The following NFYA variants were observed in gnomAD, a reference collection of about 807,000 sequenced individuals.
NFYA encodes nuclear transcription factor Y subunit alpha.
Under a neutral mutation model 52.8 loss-of-function variants are expected in NFYA, and 28 were observed. That is an observed-to-expected ratio of 0.53 (90% CI 0.39 to 0.73). The LOEUF (loss-of-function observed/expected upper bound fraction) is 0.73. Among genes scored for constraint, NFYA ranks in the 30% least tolerant of loss-of-function variants. NFYA has a pLI of 0.00. For missense variants in NFYA, 234 were observed against 427.0 expected, an observed-to-expected ratio of 0.55 and a Z score of 3.98; for synonymous variants, 150 against 150.7, an observed-to-expected ratio of 1.00 and a Z score of 0.03.
intron 9 of NFYA, 37 bp downstream of exon 9, chr6:41,094,534 A>C: frequency 1.3e-6 from 2 of 1,537,308 alleles, no homozygotes; most frequent in Non-Finnish European, 1.8e-6. Context: ...TCTCTTTATT[A>C]CCTTGTATTG....
At chr6:41,082,201 A>G (rs770204149) in intron 3 of NFYA, among the ~76,000 whole-genome samples, 9 of 152,290 alleles carry the variant, frequency 5.9e-5, no homozygotes, top group South Asian at 2.1e-4. Context: ...CCCTGCCACC[A>G]ATAGTGTTTG....
At position 41,079,071 on chromosome 6, in the gene NFYA, AAT is replaced by A. The variant is rs1175602347; in HGVS notation, c.-18_-17del. On this transcript the variant is annotated 5_prime_UTR_variant, in exon 2 of 10. Transcript: ENST00000341376. ...TTCTAGGATCTCCAGAGTGGACAGG[AAT>A]CTCACTTGGAGGGACCATGGAGCAG... 1 of 1,612,242 alleles carries A rather than the reference AAT, an allele frequency of 6.2e-7. No homozygotes were observed. Among genetic ancestry groups the A allele is most frequent in the East Asian group, 2.2e-5 (1 of 44,878 alleles).
rs12203161 is a variant in NFYA, at chr6:41,100,972, A to C, written c.*3562A>C. ...GCCTCCAATAGAGCCTGCTAGGCGGATTGGCTGCTACGCGGCTGGGCCCTG... is the reference window on the plus strand; with the variant it reads ...GCCTCCAATAGAGCCTGCTAGGCGGCTTGGCTGCTACGCGGCTGGGCCCTG... On this transcript the variant is annotated 3_prime_UTR_variant, in exon 10 of 10. Coordinates refer to ENST00000341376, the MANE Select transcript of NFYA (RefSeq NM_002505.5). 67 of 151,170 alleles carry C rather than the reference A, an allele frequency of 4.4e-4. No individual in the cohort carries two copies. Among genetic ancestry groups the C allele is most frequent in the African/African-American group, 1.6e-3 (65 of 41,486 alleles). The allele number at this position is 151,170 out of a possible 1,614,324, so 9.4% of individuals were successfully genotyped here.
At chr6:41,075,254 G>A (rs2268187) in intron 1 of NFYA, 59,850 of 151,998 alleles carry the variant, frequency 0.39, 12,426 homozygotes, top group African/African-American at 0.52. Context: ...TGGCGCAATC[G>A]TAGCTCACTA....
At position 41,099,030 on chromosome 6, in the gene NFYA, G is replaced by A. The variant is rs886423548; in HGVS notation, c.*1620G>A. 1 of 152,142 alleles carries A rather than the reference G, an allele frequency of 6.6e-6. No homozygotes were observed. The highest frequency in any genetic ancestry group is 2.4e-5 in the African/African-American group (1 of 41,428). The allele number at this position is 152,142 out of a possible 1,614,324, so 9.4% of individuals were successfully genotyped here. On this transcript the variant is annotated 3_prime_UTR_variant, in exon 10 of 10. Transcript: ENST00000341376. ...TTAACTGTATTAAGACAGAAATTAA[G>A]CCCTCTAAAAACACCACAAAGAGAG...
intron 4 of NFYA, 128 bp from the exon 5 acceptor site, chr6:41,089,451 C>A: frequency 1.0e-6 from 1 of 981,842 alleles, no homozygotes; most frequent in Admixed American, 3.5e-5. Flanking sequence ...TAATGGAGGG[C>A]AGAGCAGGAC....
intron 4 of NFYA, among the ~76,000 whole-genome samples, chr6:41,088,828 G>A (rs1053985161): frequency 6.6e-5 from 10 of 150,954 alleles, no homozygotes; most frequent in African/African-American, 2.0e-4. Context: ...TAATCTGCTC[G>A]CCTCAGCCTC....
In NFYA at chr6:41,098,604, C is replaced by G. The variant is rs1764422185; in HGVS notation, c.*1194C>G. ...TCCTGGACAGAGTCCAAGTTACCCA[C>G]TAAAGCTTGAGGTGGATGTTGGCTT... On this transcript the variant is annotated 3_prime_UTR_variant, in exon 10 of 10. Coordinates refer to ENST00000341376, the MANE Select transcript of NFYA (RefSeq NM_002505.5). 1 of 152,688 alleles carries G rather than the reference C, an allele frequency of 6.5e-6. No homozygotes were observed. Among genetic ancestry groups the G allele is most frequent in the Admixed American group, 6.5e-5 (1 of 15,278 alleles). The allele number at this position is 152,688 out of a possible 1,614,324, so 9.5% of individuals were successfully genotyped here.
At chr6:41,088,552 A>T (rs986450921) in intron 4 of NFYA, among the ~76,000 whole-genome samples, 1 of 151,932 alleles carries the variant, frequency 6.6e-6, no homozygotes, top group Non-Finnish European at 1.5e-5. Flanking sequence ...CTGCAGTCAC[A>T]TTTGACTAGA....
Position 41,097,457 on chromosome 6 carries a change from TC to T in NFYA, c.*49del, listed in dbSNP as rs1304301061. ...TGATCAAGGTCATGTTTCTCACTGT[TC>T]CAGGAAATTGATCAACTCTTCCAAT... On this transcript the variant is annotated 3_prime_UTR_variant, in exon 10 of 10. Transcript: ENST00000341376. 6.3e-7 allele frequency: 1 copy of T among 1,590,074 alleles called. No homozygotes were observed. Among genetic ancestry groups the T allele is most frequent in the Non-Finnish European group, 8.6e-7 (1 of 1,158,968 alleles).
chr6:41,090,906 A>G (rs1355502587), intron 6 of NFYA, among the ~76,000 whole-genome samples: 1 of 152,224 alleles, frequency 6.6e-6, no homozygotes, highest in Non-Finnish European at 1.5e-5. Flanking sequence ...TTAAATCAAA[A>G]AAGGACATCT....
At chr6:41,092,465 GT>G (rs886236868) in intron 7 of NFYA, among the ~76,000 whole-genome samples, 4 of 152,200 alleles carry the variant, frequency 2.6e-5, no homozygotes, top group Non-Finnish European at 5.9e-5. Flanking sequence ...TCTGTTACTT[GT>G]TTTTACCTAC....
At chr6:41,078,523 C>A (rs927318927) in intron 1 of NFYA, among the ~76,000 whole-genome samples, 1 of 152,116 alleles carries the variant, frequency 6.6e-6, no homozygotes, top group Admixed American at 6.5e-5. Context: ...ATTAAAGGTT[C>A]TCAGATATCA....
At position 41,079,279 on chromosome 6, in the gene NFYA, T is replaced by G. The variant is rs553502770; in HGVS notation, c.75+115T>G. On this transcript the variant is annotated intron_variant, in intron 2 of 9. Coordinates refer to ENST00000341376, the MANE Select transcript of NFYA (RefSeq NM_002505.5). ...TTGAAAGATACCAGATCTTGTGAGA[T>G]ATTGGGTCTGATGGCTTGTGCTGAA... The G allele has an allele frequency of 7.2e-6, 7 of 975,874 alleles. No individual in the cohort carries two copies. In the East Asian group the frequency reaches 1.5e-4, roughly 20 times the overall value. The allele number at this position is 975,874 out of a possible 1,614,324, so 60.5% of individuals were successfully genotyped here.
Position 41,080,834 on chromosome 6 carries a change from G to A in NFYA, c.99G>A (p.Val33=), listed in dbSNP as rs1334731675. 5 of 1,613,922 alleles carry A rather than the reference G, an allele frequency of 3.1e-6. No individual in the cohort carries two copies. The Admixed American group carries it at 8.3e-5, about 27-fold the overall frequency. The change falls in exon 3 of 10, where the codon GTG becomes GTA. Residue 33 remains valine (V), a synonymous_variant. Transcript: ENST00000341376. ...QQQQQGGVTA[V]QLQTEAQVAS... Reference sequence around the variant, plus strand: ...AGCAGCAGGGTGGTGTCACTGCTGTGCAGTTGCAGACTGAGGCCCAGGTGG... The same window carrying A: ...AGCAGCAGGGTGGTGTCACTGCTGTACAGTTGCAGACTGAGGCCCAGGTGG...
At chr6:41,089,085 G>T (rs928302796) in intron 4 of NFYA, among the ~76,000 whole-genome samples, 3 of 152,112 alleles carry the variant, frequency 2.0e-5, no homozygotes, top group African/African-American at 7.2e-5. Flanking sequence ...TCCGGTTCAA[G>T]TGATTTTCCG....
rs1033419259 is a variant in NFYA at position 41,100,825 on chromosome 6, C to T, written c.*3415C>T. Among the ~76,000 whole-genome samples, 2 of 152,220 alleles carry T rather than the reference C, an allele frequency of 1.3e-5. No homozygotes were observed. The highest frequency in any genetic ancestry group is 2.4e-5 in the African/African-American group (1 of 41,462). On this transcript the variant is annotated 3_prime_UTR_variant, in exon 10 of 10. Transcript: ENST00000341376. ...TTGAAAGCGCAGACCGCCGCACCTC[C>T]AGCCCCTTCTCCCCGGGGAAGTAGG...
chr6:41,097,289 T>TA (rs1404151284), intron 9 of NFYA, 68 bp from the exon 10 acceptor site: 3 of 1,398,684 alleles, frequency 2.1e-6, no homozygotes, highest in Non-Finnish European at 3.0e-6. Flanking sequence ...GGGGGATAAG[T>TA]AGTGAGAGCC....
chr6:41,087,517 C>T (rs1246578069), intron 4 of NFYA, among the ~76,000 whole-genome samples: 1 of 152,180 alleles, frequency 6.6e-6, no homozygotes, highest in Non-Finnish European at 1.5e-5. Context: ...AAGTATCCTC[C>T]TTCCAGACTG....
Sources: gnomAD v4.1 joint callset for allele counts (sites outside exome capture counted in the v4.1 genomes callset) on GRCh38, gnomAD v4.1.1 for gene constraint, MANE v1.5 for transcripts, NCBI Gene and HGNC (gene_info 2026-07-23, HGNC 2026-07-21) for gene names.